Variants in SNTB1 observed in about 807,000 individuals in gnomAD.
SNTB1 encodes the protein syntrophin beta 1.
SNTB1 carries 36 observed loss-of-function variants against 48.9 expected under a neutral mutation model. The observed-to-expected ratio is 0.74, with a 90% confidence interval of 0.56 to 0.97. The LOEUF is 0.97. SNTB1 is among the 50% of genes least tolerant of loss of function. The pLI is 0.00. For missense variants in SNTB1, 786 were observed against 703.4 expected (o/e 1.12, Z -1.33); for synonymous variants, 299 against 294.6 (o/e 1.01, Z -0.15).
chr8:120,745,893 AC>A lies in SNTB1; in HGVS notation c.572-51986del, dbSNP rs1363536248. Among the ~76,000 whole-genome samples, 3 of 152,036 alleles carry A rather than the reference AC, an allele frequency of 2.0e-5. No homozygotes were observed. In the East Asian group the frequency reaches 5.8e-4, roughly 29 times the overall value. On this transcript the variant is annotated intron_variant, in intron 1 of 6. Coordinates refer to ENST00000517992, the MANE Select transcript of SNTB1 (RefSeq NM_021021.4). ...CCTCCCAAGAGTTACTCCGTCATGC[AC>A]CCTATTATTGCTCTGTTTTGGTCTG...
At chr8:120,705,272 T>C (rs1818362892) in intron 1 of SNTB1, among the ~76,000 whole-genome samples, 1 of 152,228 alleles carries the variant, frequency 6.6e-6, no homozygotes, top group Admixed American at 6.5e-5. Flanking sequence ...CCCCAAATGC[T>C]TGTTCTTTCA....
At chr8:120,780,946 A>G (rs1449611362) in intron 1 of SNTB1, among the ~76,000 whole-genome samples, 2 of 152,244 alleles carry the variant, frequency 1.3e-5, no homozygotes, top group African/African-American at 2.4e-5. Flanking sequence ...GAGTAAACTC[A>G]TTACAACTCA....
At chr8:120,603,543 G>A (rs973514320) in intron 3 of SNTB1, among the ~76,000 whole-genome samples, 1 of 152,198 alleles carries the variant, frequency 6.6e-6, no homozygotes, top group Non-Finnish European at 1.5e-5. Context: ...TGTTAAAAAT[G>A]CAAATTCTTG....
At chr8:120,596,959 A>T (rs1409879060) in intron 3 of SNTB1, among the ~76,000 whole-genome samples, 1 of 152,204 alleles carries the variant, frequency 6.6e-6, no homozygotes, top group Non-Finnish European at 1.5e-5. Context: ...TGGTCCCCCC[A>T]CAAATGATGT....
intron 2 of SNTB1, among the ~76,000 whole-genome samples, chr8:120,647,634 T>C (rs1817322645): frequency 7.3e-6 from 1 of 137,860 alleles, no homozygotes; most frequent in Non-Finnish European, 1.6e-5. Context: ...GAAAAAAATG[T>C]ATATTCTGTT....
At chr8:120,553,920 C>A (rs557766659) in intron 4 of SNTB1, among the ~76,000 whole-genome samples, 1 of 152,120 alleles carries the variant, frequency 6.6e-6, no homozygotes, top group Non-Finnish European at 1.5e-5. Flanking sequence ...ATCGCTTGAA[C>A]CCAGGAGGCA....
chr8:120,803,008 AAAC>A (rs1268853945), intron 1 of SNTB1, among the ~76,000 whole-genome samples: 1 of 151,388 alleles, frequency 6.6e-6, no homozygotes, highest in African/African-American at 2.5e-5. Context: ...GAAGAGAAAA[AAAC>A]AAAAAACAAC....
At chr8:120,598,669 T>C (rs1816366798) in intron 3 of SNTB1, among the ~76,000 whole-genome samples, 1 of 152,210 alleles carries the variant, frequency 6.6e-6, no homozygotes, top group Non-Finnish European at 1.5e-5. Context: ...GCAATACGTA[T>C]TTATTCCCTT....
intron 2 of SNTB1, among the ~76,000 whole-genome samples, chr8:120,642,943 A>G (rs902492094): frequency 4.6e-5 from 7 of 152,158 alleles, no homozygotes; most frequent in African/African-American, 1.7e-4. Context: ...ACAAAATTCC[A>G]AACATCTGTT....
intron 2 of SNTB1, among the ~76,000 whole-genome samples, chr8:120,650,810 G>A (rs929777510): frequency 4.6e-5 from 7 of 152,216 alleles, no homozygotes; most frequent in Non-Finnish European, 2.9e-5. Flanking sequence ...TGGCTGTGCA[G>A]TAGTTCTTTC....
intron 2 of SNTB1, among the ~76,000 whole-genome samples, chr8:120,643,117 G>C (rs1427082738): frequency 6.6e-6 from 1 of 152,154 alleles, no homozygotes; most frequent in Non-Finnish European, 1.5e-5. Context: ...CCATTGGCAG[G>C]AAGCCTCAGT....
chr8:120,636,470 C>T (rs1817080157), intron 2 of SNTB1, among the ~76,000 whole-genome samples: 1 of 132,402 alleles, frequency 7.6e-6, no homozygotes, highest in Non-Finnish European at 1.6e-5. Flanking sequence ...TCAATTCCCA[C>T]CTATGAGTGA....
chr8:120,642,333 A>G (rs1207120406), intron 2 of SNTB1, among the ~76,000 whole-genome samples: 1 of 152,248 alleles, frequency 6.6e-6, no homozygotes, highest in African/African-American at 2.4e-5. Context: ...ATATCCTTTA[A>G]TAGGCTTCTT....
chr8:120,634,588 T>C (rs1817042307), intron 2 of SNTB1, among the ~76,000 whole-genome samples: 1 of 152,174 alleles, frequency 6.6e-6, no homozygotes, highest in Non-Finnish European at 1.5e-5. Context: ...GGGCACTCAC[T>C]GTCTCCTGCA....
intron 2 of SNTB1, among the ~76,000 whole-genome samples, chr8:120,660,726 C>A (rs1817574023): frequency 6.6e-6 from 1 of 152,220 alleles, no homozygotes; most frequent in Non-Finnish European, 1.5e-5. Flanking sequence ...CAGCTTTTGA[C>A]ATGCCTTCCT....
chr8:120,809,171 T>C (rs1308917888), intron 1 of SNTB1, among the ~76,000 whole-genome samples: 1 of 152,242 alleles, frequency 6.6e-6, no homozygotes, highest in African/African-American at 2.4e-5. Flanking sequence ...ATGACTACCA[T>C]TGCATTGAGA....
At chr8:120,732,110 C>T (rs1361198326) in intron 1 of SNTB1, among the ~76,000 whole-genome samples, 1 of 152,178 alleles carries the variant, frequency 6.6e-6, no homozygotes, top group Non-Finnish European at 1.5e-5. Flanking sequence ...AGCTTTATGA[C>T]TGACACTTTT....
intron 3 of SNTB1, among the ~76,000 whole-genome samples, chr8:120,594,748 T>C (rs887515044): frequency 3.3e-5 from 5 of 152,088 alleles, no homozygotes; most frequent in African/African-American, 1.2e-4. Context: ...TCGTGTGTTG[T>C]TTTAGCACCT....
chr8:120,738,523 A>C (rs1818986477), intron 1 of SNTB1, among the ~76,000 whole-genome samples: 1 of 135,522 alleles, frequency 7.4e-6, no homozygotes, highest in Non-Finnish European at 1.6e-5. Context: ...TTTTCTACCT[A>C]CCTACCTCCC....
Sources: allele counts gnomAD v4.1 joint callset (sites outside exome capture counted in the v4.1 genomes callset), GRCh38; gene constraint gnomAD v4.1.1; transcripts MANE v1.5; gene names NCBI Gene and HGNC (gene_info 2026-07-23, HGNC 2026-07-21).